Variants in ACSS3 observed in about 807,000 individuals in gnomAD.
ACSS3 encodes the protein acyl-CoA synthetase short-chain family member 3, mitochondrial.
Under a neutral mutation model 84.2 loss-of-function variants are expected in ACSS3, and 64 were observed. That is an observed-to-expected ratio of 0.76 (90% CI 0.62 to 0.94). ACSS3 has a LOEUF of 0.94. Among genes scored for constraint, ACSS3 ranks in the 40% least tolerant of loss-of-function variants. ACSS3 has a pLI of 0.00. For missense variants in ACSS3, 815 were observed against 867.6 expected, an observed-to-expected ratio of 0.94 and a Z score of 0.76; for synonymous variants, 317 against 310.1, an observed-to-expected ratio of 1.02 and a Z score of -0.23.
intron 7 of ACSS3, among the ~76,000 whole-genome samples, chr12:81,170,272 G>A (rs1398303800): frequency 6.6e-6 from 1 of 152,076 alleles, no homozygotes; most frequent in Non-Finnish European, 1.5e-5. Context: ...TTTTCTGACT[G>A]GGGCCTTGTC....
At chr12:81,118,335 T>C (rs1884233698) in intron 2 of ACSS3, among the ~76,000 whole-genome samples, 1 of 152,216 alleles carries the variant, frequency 6.6e-6, no homozygotes, top group Admixed American at 6.5e-5. Context: ...TGAAGTCTTA[T>C]TATACCTTCA....
At chr12:81,173,381 T>A (rs2030223310) in intron 7 of ACSS3, among the ~76,000 whole-genome samples, 1 of 152,090 alleles carries the variant, frequency 6.6e-6, no homozygotes, top group Non-Finnish European at 1.5e-5. Flanking sequence ...AATTTTCAGC[T>A]GCAGGAAATA....
At chr12:81,232,157 A>G (rs890691464) in intron 12 of ACSS3, among the ~76,000 whole-genome samples, 14 of 151,800 alleles carry the variant, frequency 9.2e-5, no homozygotes, top group Non-Finnish European at 4.4e-5. Context: ...AGTAAGCCCA[A>G]TCTATCTGCA....
chr12:81,220,394 C>G (rs920735246), intron 11 of ACSS3, among the ~76,000 whole-genome samples: 9 of 151,908 alleles, frequency 5.9e-5, no homozygotes, highest in African/African-American at 2.2e-4. Flanking sequence ...AGTTCCTGTA[C>G]TCTCACCTCT....
chr12:81,237,458 TA>T (rs893179583), intron 13 of ACSS3, among the ~76,000 whole-genome samples: 1 of 151,662 alleles, frequency 6.6e-6, no homozygotes, highest in African/African-American at 2.4e-5. Context: ...ATAATTCTGA[TA>T]TTTAGGTAAT....
At chr12:81,182,186 A>G (rs753228382) in intron 8 of ACSS3, among the ~76,000 whole-genome samples, 8 of 152,210 alleles carry the variant, frequency 5.3e-5, no homozygotes, top group Non-Finnish European at 4.4e-5. Context: ...GGGAATTTCC[A>G]TAGAACATTA....
intron 7 of ACSS3, among the ~76,000 whole-genome samples, chr12:81,156,422 A>G (rs1886873257): frequency 6.6e-6 from 1 of 152,300 alleles, no homozygotes; most frequent in East Asian, 1.9e-4. Context: ...AACAAAATAT[A>G]CCTAAAACCA....
chr12:81,194,610 T>C (rs1593182736), intron 8 of ACSS3, among the ~76,000 whole-genome samples: 1 of 151,982 alleles, frequency 6.6e-6, no homozygotes, highest in African/African-American at 2.4e-5. Flanking sequence ...TTGTGTAATA[T>C]TGTACCTTTC....
At chr12:81,085,835 A>T (rs1222935194) in intron 1 of ACSS3, among the ~76,000 whole-genome samples, 2 of 152,200 alleles carry the variant, frequency 1.3e-5, no homozygotes, top group African/African-American at 4.8e-5. Context: ...TGATGGTTAT[A>T]GTATCGTTCT....
intron 5 of ACSS3, among the ~76,000 whole-genome samples, chr12:81,151,380 A>G (rs1263600150): frequency 1.3e-5 from 2 of 152,192 alleles, no homozygotes; most frequent in African/African-American, 2.4e-5. Flanking sequence ...TCCAGTTAGA[A>G]TATGACTTTG....
chr12:81,249,772 G>A (rs1194573177), intron 13 of ACSS3, among the ~76,000 whole-genome samples: 1 of 152,082 alleles, frequency 6.6e-6, no homozygotes, highest in Non-Finnish European at 1.5e-5. Context: ...TTAAAAATCT[G>A]TCTTCTTCGA....
chr12:81,114,485 A>C (rs538978606), intron 2 of ACSS3, among the ~76,000 whole-genome samples: 1 of 152,232 alleles, frequency 6.6e-6, no homozygotes, highest in South Asian at 2.1e-4. Context: ...TTAAGCAAAC[A>C]CTTAAGACAC....
rs371815204 is a variant in ACSS3 at position 81,109,708 on chromosome 12, A to C, written c.456+4A>C. The C allele has an allele frequency of 6.3e-7, 1 of 1,588,734 alleles. No individual in the cohort carries two copies. On this transcript the variant is annotated splice_donor_region_variant and intron_variant, in intron 2 of 15. Transcript: ENST00000548058. ...CTATAAAGAAGTTCTGGAGCAGGTAATATCATAAACTTTATATATGTATAT... is the reference window on the plus strand; with the variant it reads ...CTATAAAGAAGTTCTGGAGCAGGTACTATCATAAACTTTATATATGTATAT...
intron 7 of ACSS3, among the ~76,000 whole-genome samples, chr12:81,155,344 G>A (rs921157926): frequency 6.6e-6 from 1 of 152,012 alleles, no homozygotes; most frequent in Non-Finnish European, 1.5e-5. Context: ...TTATATTTGA[G>A]GATCATTAAT....
chr12:81,155,539 T>TA (rs1304785876), intron 7 of ACSS3, among the ~76,000 whole-genome samples: 1 of 152,262 alleles, frequency 6.6e-6, no homozygotes, highest in Non-Finnish European at 1.5e-5. Context: ...CTGTTAATGT[T>TA]ACCTCCATTC....
At chr12:81,089,522 CTT>C (rs1881536076) in intron 1 of ACSS3, among the ~76,000 whole-genome samples, 1 of 152,020 alleles carries the variant, frequency 6.6e-6, no homozygotes, top group East Asian at 1.9e-4. Context: ...TATTGCCAAA[CTT>C]TGGAAAACAA....
intron 1 of ACSS3, among the ~76,000 whole-genome samples, chr12:81,079,820 A>C (rs551322921): frequency 5.5e-4 from 83 of 152,282 alleles, no homozygotes; most frequent in Non-Finnish European, 9.6e-4. Context: ...TCTGTGTTTC[A>C]CTTTCCTGAA....
chr12:81,187,501 C>T (rs2031334252), intron 8 of ACSS3, among the ~76,000 whole-genome samples: 1 of 151,754 alleles, frequency 6.6e-6, no homozygotes, highest in South Asian at 2.1e-4. Context: ...AATGACAATG[C>T]CTGTATGTCT....
At chr12:81,114,703 G>A (rs1883893031) in intron 2 of ACSS3, among the ~76,000 whole-genome samples, 1 of 152,086 alleles carries the variant, frequency 6.6e-6, no homozygotes, top group South Asian at 2.1e-4. Flanking sequence ...GGGGAATGAT[G>A]CTAGTATGAG....
Sources: gnomAD v4.1 joint callset for allele counts (sites outside exome capture counted in the v4.1 genomes callset) on GRCh38, gnomAD v4.1.1 for gene constraint, MANE v1.5 for transcripts, NCBI Gene and HGNC (gene_info 2026-07-23, HGNC 2026-07-21) for gene names.